TRIM3: variants seen among roughly 807,000 people sequenced by gnomAD.
TRIM3 encodes the protein tripartite motif containing 3.
In TRIM3, 13 loss-of-function variants were observed where a neutral mutation model predicts 66.6. The ratio of observed to expected loss-of-function variants is 0.20; its 90% CI spans 0.13 to 0.31. The LOEUF (loss-of-function observed/expected upper bound fraction) is 0.31. Among genes scored for constraint, TRIM3 ranks in the 10% least tolerant of loss-of-function variants. TRIM3 has a pLI of 1.00. For missense variants in TRIM3, 711 were observed against 1,020.4 expected, an observed-to-expected ratio of 0.70 and a Z score of 4.13; for synonymous variants, 406 against 411.7, an observed-to-expected ratio of 0.99 and a Z score of 0.17.
intron 2 of TRIM3, among the ~76,000 whole-genome samples, chr11:6,463,715 G>A (rs1210327974): frequency 1.3e-5 from 2 of 152,186 alleles, no homozygotes; most frequent in African/African-American, 4.8e-5. Flanking sequence ...TGGAACGTTG[G>A]CGTTTATGAC....
intron 2 of TRIM3, 143 bp downstream of exon 2, chr11:6,465,422 G>T: frequency 1.0e-6 from 1 of 985,326 alleles, no homozygotes; most frequent in Non-Finnish European, 1.5e-6. Flanking sequence ...GCAGGTTGGG[G>T]TTCACCTGCT....
chr11:6,450,411 A>G lies in TRIM3; in HGVS notation c.1941+140T>C. 2 of 727,910 alleles carry G rather than the reference A, an allele frequency of 2.7e-6. No homozygotes were observed. Among genetic ancestry groups the G allele is most frequent in the East Asian group, 2.7e-5 (1 of 37,594 alleles). The allele number at this position is 727,910 out of a possible 1,614,324, so 45.1% of individuals were successfully genotyped here. ...TCTAGCATACTGCCTGGGACAAAGC[A>G]GCCATGCATAAATGTGTAAATGTGT... On this transcript the variant is annotated intron_variant, in intron 10 of 11. Transcript: ENST00000345851. This position sits in a 1 kb window ranked among gnomAD's most constrained non-coding sequence, Gnocchi z 4.8.
Position 6,456,727 on chromosome 11 carries a change from G to C in TRIM3, c.999C>G (p.Arg333=). The change falls in exon 6 of 12, where the codon CGC becomes CGG. Residue 333 remains arginine, a synonymous_variant. Transcript: ENST00000345851. This position sits in a 1 kb window ranked among gnomAD's most constrained non-coding sequence, Gnocchi z 6.4. Reference sequence around the variant, plus strand: ...AGGCAGGCTGGCCCACTAGCGCCTGGCGCAGGCCCTCTCCCGTGGCCACCG... The same window carrying C: ...AGGCAGGCTGGCCCACTAGCGCCTGCCGCAGGCCCTCTCCCGTGGCCACCG... The part of the protein sequence containing the change: ...HETVATGEGL[R]QALVGQPASL... 1 of 1,609,722 alleles carries C rather than the reference G, an allele frequency of 6.2e-7. No individual in the cohort carries two copies. Among genetic ancestry groups the C allele is most frequent in the Non-Finnish European group, 8.5e-7 (1 of 1,179,244 alleles).
Position 6,467,802 on chromosome 11 carries a change from G to T in TRIM3, c.-37-2070C>A, listed in dbSNP as rs895813498. Among the ~76,000 whole-genome samples, 4 of 152,198 alleles carry T rather than the reference G, an allele frequency of 2.6e-5. No homozygotes were observed. The East Asian group carries it at 5.8e-4, about 22-fold the overall frequency. On this transcript the variant is annotated intron_variant, in intron 1 of 11. Coordinates refer to ENST00000345851, the MANE Select transcript of TRIM3 (RefSeq NM_033278.4). ...AAAGTGATTTTATCCTAAGTTGGAG[G>T]GGGGGATGATGTGGTTTATAAATAA...
At position 6,458,010 on chromosome 11, in the gene TRIM3, TCTC is replaced by T; in HGVS notation, c.363+52_363+54del. 32 of 1,552,016 alleles carry T rather than the reference TCTC, an allele frequency of 2.1e-5. No individual in the cohort carries two copies. Among genetic ancestry groups the T allele is most frequent in the Admixed American group, 3.5e-5 (2 of 57,102 alleles). The stretch of plus-strand genomic sequence containing the variant: ...CAGCCACTCGGCACCCCCCAATGCC[TCTC>T]CTCCTCCTCCCACCCCAAGTCCCGG... On this transcript the variant is annotated intron_variant, in intron 3 of 11. Coordinates refer to ENST00000345851, the MANE Select transcript of TRIM3 (RefSeq NM_033278.4). The surrounding 1 kb of genome is among the most constrained non-coding windows in gnomAD (Gnocchi z 6.2).
In TRIM3 at chr11:6,449,202, G is replaced by A; in HGVS notation, c.2083-22C>T. ...ATACCTGGGGAAGGAGTGCAGAAAG[G>A]AGGGAGAGGCAAGATCAGGCAGATG... On this transcript the variant is annotated intron_variant, in intron 11 of 11. Coordinates refer to ENST00000345851, the MANE Select transcript of TRIM3 (RefSeq NM_033278.4). This position sits in a 1 kb window ranked among gnomAD's most constrained non-coding sequence, Gnocchi z 5.3. 4.3e-6 allele frequency: 7 copies of A among 1,612,724 alleles called. No individual in the cohort carries two copies. Among genetic ancestry groups the A allele is most frequent in the Non-Finnish European group, 5.9e-6 (7 of 1,178,780 alleles).
At chr11:6,463,746 A>T (rs529074054) in intron 2 of TRIM3, among the ~76,000 whole-genome samples, 1 of 152,344 alleles carries the variant, frequency 6.6e-6, no homozygotes. Flanking sequence ...ATTCTGGATT[A>T]TAAGATTCAG....
chr11:6,457,195 A>C lies in TRIM3; in HGVS notation c.696+101T>G. The C allele has an allele frequency of 2.0e-6, 3 of 1,538,400 alleles. No individual in the cohort carries two copies. The highest frequency in any genetic ancestry group is 2.6e-6 in the Non-Finnish European group (3 of 1,135,852). On this transcript the variant is annotated intron_variant, in intron 5 of 11. Transcript: ENST00000345851. This position sits in a 1 kb window ranked among gnomAD's most constrained non-coding sequence, Gnocchi z 4.5. ...GGGCATGTCAGGAGGCAGAATATCT[A>C]GGCTGGGGAATGGGGAGCTGGTGTG...
Position 6,456,700 on chromosome 11 carries a change from C to T in TRIM3, c.1026G>A (p.Ser342=), listed in dbSNP as rs141209929. The change falls in exon 6 of 12, where the codon TCG becomes TCA. Residue 342 remains serine, a synonymous_variant. Coordinates refer to ENST00000345851, the MANE Select transcript of TRIM3 (RefSeq NM_033278.4). The surrounding 1 kb of genome is among the most constrained non-coding windows in gnomAD (Gnocchi z 6.4). The part of the protein sequence containing the change: ...LRQALVGQPA[S]LTVTTKDKDG... ...CCTTGTCTTTGGTAGTGACAGTGAGCGAGGCAGGCTGGCCCACTAGCGCCT... is the reference window on the plus strand; with the variant it reads ...CCTTGTCTTTGGTAGTGACAGTGAGTGAGGCAGGCTGGCCCACTAGCGCCT... 1,825 of 1,606,316 alleles carry T rather than the reference C, an allele frequency of 1.1e-3. 4 individuals are homozygous for T. Among genetic ancestry groups the T allele is most frequent in the Admixed American group, 1.6e-3 (93 of 59,948 alleles).
At chr11:6,451,585 G>A (rs753206806) in intron 7 of TRIM3, 147 bp from the exon 8 acceptor site, 18 of 815,046 alleles carry the variant, frequency 2.2e-5, no homozygotes, top group Non-Finnish European at 3.4e-5. Context: ...AATCAAACAT[G>A]GCAGCAGGTC....
chr11:6,452,249 C>G (rs949564274), intron 7 of TRIM3: 10 of 152,316 alleles, frequency 6.6e-5, no homozygotes, highest in African/African-American at 2.4e-4. Context: ...CCAACCTCCT[C>G]TAATTTAGCT....
chr11:6,450,763 G>T lies in TRIM3; in HGVS notation c.1870+129C>A. 3.5e-6 allele frequency: 5 copies of T among 1,440,574 alleles called. No homozygotes were observed. The highest frequency in any genetic ancestry group is 4.8e-6 in the Non-Finnish European group (5 of 1,037,246). The allele number at this position is 1,440,574 out of a possible 1,614,324, so 89.2% of individuals were successfully genotyped here. On this transcript the variant is annotated intron_variant, in intron 9 of 11. Coordinates refer to ENST00000345851, the MANE Select transcript of TRIM3 (RefSeq NM_033278.4). The surrounding 1 kb of genome is among the most constrained non-coding windows in gnomAD (Gnocchi z 4.8). ...AGACAAATTATTTCTGAGATGATAG[G>T]GCTAACGTAAGGGAAGTGGGATCTC...
chr11:6,470,637 T>C (rs1850648191), intron 1 of TRIM3, among the ~76,000 whole-genome samples: 1 of 152,160 alleles, frequency 6.6e-6, no homozygotes, highest in African/African-American at 2.4e-5. Flanking sequence ...GAGGTCCAGT[T>C]GGCAGTTGGA....
intron 7 of TRIM3, 86 bp downstream of exon 7, chr11:6,455,986 G>T: frequency 1.5e-6 from 2 of 1,312,606 alleles, no homozygotes; most frequent in Non-Finnish European, 2.2e-6. Context: ...TCTTCCAGGA[G>T]GTGACCTGTA....
At chr11:6,470,346 G>A (rs539487162) in intron 1 of TRIM3, among the ~76,000 whole-genome samples, 1 of 152,324 alleles carries the variant, frequency 6.6e-6, no homozygotes, top group East Asian at 1.9e-4. Flanking sequence ...TCTCAAAGAA[G>A]AGCAGTTTGG....
intron 7 of TRIM3, among the ~76,000 whole-genome samples, chr11:6,454,452 T>C (rs1334516192): frequency 6.6e-6 from 1 of 151,700 alleles, no homozygotes; most frequent in Non-Finnish European, 1.5e-5. Context: ...GTGGCACTTG[T>C]TTTTCTGTGC....
At position 6,458,173 on chromosome 11, in the gene TRIM3, G is replaced by A; in HGVS notation, c.255C>T (p.Leu85=). 6.2e-7 allele frequency: 1 copy of A among 1,614,204 alleles called. No individual in the cohort carries two copies. The highest frequency in any genetic ancestry group is 8.5e-7 in the Non-Finnish European group (1 of 1,180,048). ...ALQNNFFISS[L]MEAMQQAPDG... ...CAGGTGCCTGCTGCATTGCCTCCAT[G>A]AGGCTGCTGATGAAGAAGTTGTTCT... Residue 85 remains leucine, a synonymous_variant, in exon 3 of 12, where the codon CTC becomes CTT. Transcript: ENST00000345851. This position sits in a 1 kb window ranked among gnomAD's most constrained non-coding sequence, Gnocchi z 6.2.
At position 6,472,874 on chromosome 11, in the gene TRIM3, A is replaced by ATTCTGCAGCAAATCATCCCC. The variant is rs568092733; in HGVS notation, c.-38+897_-38+916dup. ...TGTCAGGCCTGCAGCTCTGATTCCAATTCTGCAGCAAATCATCCCCTGCTT... is the reference window on the plus strand; with the variant it reads ...TGTCAGGCCTGCAGCTCTGATTCCAATTCTGCAGCAAATCATCCCCTTCTGCAGCAAATCATCCCCTGCTT... On this transcript the variant is annotated intron_variant, in intron 1 of 11. Transcript: ENST00000345851. Among the ~76,000 whole-genome samples, 241 of 152,280 alleles carry ATTCTGCAGCAAATCATCCCC rather than the reference A, an allele frequency of 1.6e-3. 1 individual carries two copies. Among genetic ancestry groups the ATTCTGCAGCAAATCATCCCC allele is most frequent in the African/African-American group, 5.7e-3 (235 of 41,554 alleles).
intron 7 of TRIM3, among the ~76,000 whole-genome samples, chr11:6,455,438 G>GA (rs540900580): frequency 2.6e-5 from 4 of 151,918 alleles, no homozygotes; most frequent in South Asian, 2.1e-4. Flanking sequence ...GAAACAGAGG[G>GA]AAAAAAAGGC....
Sources: gnomAD v4.1 joint callset for allele counts (sites outside exome capture counted in the v4.1 genomes callset) on GRCh38, gnomAD v4.1.1 for gene constraint, Gnocchi (gnomAD v3.1) non-coding constraint, MANE v1.5 for transcripts, NCBI Gene and HGNC (gene_info 2026-07-23, HGNC 2026-07-21) for gene names.